ASTN1: variants seen among roughly 807,000 people sequenced by gnomAD.
ASTN1 encodes the protein astrotactin-1.
In ASTN1, 41 loss-of-function variants were observed where a neutral mutation model predicts 140.7. The ratio of observed to expected loss-of-function variants is 0.29; its 90% confidence interval spans 0.23 to 0.38. The LOEUF (loss-of-function observed/expected upper bound fraction) is 0.38, where lower values mean the gene tolerates loss of function less well. ASTN1 is among the 10% of genes least tolerant of loss of function. The pLI is 1.00. For missense variants in ASTN1, 1,479 were observed against 1,678.8 expected (o/e 0.88, Z 2.08); for synonymous variants, 640 against 652.2 (o/e 0.98, Z 0.29).
At position 177,164,407 on chromosome 1, in the gene ASTN1, G is replaced by A. The variant is rs1647587061; in HGVS notation, c.270C>T (p.Pro90=). Residue 90 remains proline, a synonymous_variant, in exon 1 of 23, where the codon CCC becomes CCT. Transcript: ENST00000361833. ...VVDDLENTEL[P]YFVLEISGNT... ...CCCGGGACTCACCCAGCACGAAGTA[G>A]GGCAGCTCCGTGTTCTCCAGGTCGT... The A allele has an allele frequency of 1.9e-6, 3 of 1,606,698 alleles. No homozygotes were observed. The highest frequency in any genetic ancestry group is 3.4e-5 in the Admixed American group (2 of 59,490).
chr1:177,061,901 G>T (rs1333662729), intron 1 of ASTN1, among the ~76,000 whole-genome samples: 1 of 152,182 alleles, frequency 6.6e-6, no homozygotes. Flanking sequence ...AGCAGAGTTG[G>T]TATACATGAA....
chr1:176,924,338 T>C (rs1184642364), intron 16 of ASTN1, among the ~76,000 whole-genome samples: 1 of 152,196 alleles, frequency 6.6e-6, no homozygotes, highest in African/African-American at 2.4e-5. Flanking sequence ...TTGTTCTGTT[T>C]CCCATCTCTG....
intron 1 of ASTN1, among the ~76,000 whole-genome samples, chr1:177,108,783 A>C (rs1215407367): frequency 1.3e-5 from 2 of 152,204 alleles, no homozygotes; most frequent in African/African-American, 4.8e-5. Context: ...GAGATAGATA[A>C]ATATTCATAT....
intron 16 of ASTN1, among the ~76,000 whole-genome samples, chr1:176,917,297 G>GTAGC (rs769936992): frequency 6.6e-6 from 1 of 152,160 alleles, no homozygotes; most frequent in African/African-American, 2.4e-5. Flanking sequence ...TCAATCACAC[G>GTAGC]TAGCTGTAGG....
chr1:177,106,783 G>A (rs1406135936), intron 1 of ASTN1, among the ~76,000 whole-genome samples: 1 of 152,180 alleles, frequency 6.6e-6, no homozygotes, highest in African/African-American at 2.4e-5. Context: ...TCAAATGATA[G>A]CAACAGTGAG....
chr1:177,001,770 A>G (rs1280810775), intron 8 of ASTN1, among the ~76,000 whole-genome samples: 3 of 152,222 alleles, frequency 2.0e-5, no homozygotes, highest in Non-Finnish European at 2.9e-5. Context: ...AGGGGGTGCT[A>G]TAATAATACC....
At chr1:177,128,724 G>A (rs1349516079) in intron 1 of ASTN1, among the ~76,000 whole-genome samples, 1 of 152,136 alleles carries the variant, frequency 6.6e-6, no homozygotes, top group Non-Finnish European at 1.5e-5. Flanking sequence ...TCTCCTATGG[G>A]GCAACTGAGG....
intron 15 of ASTN1, 53 bp from the exon 16 acceptor site, chr1:176,934,393 A>T: frequency 1.3e-6 from 2 of 1,512,588 alleles, no homozygotes; most frequent in Non-Finnish European, 1.8e-6. Flanking sequence ...TTTTGGGTAT[A>T]CGGATTCCCA....
In ASTN1 at chr1:176,949,277, G is replaced by A; in HGVS notation, c.1962C>T (p.Asp654=). Reference sequence around the variant, plus strand: ...GCTGCTCACAGCCGCCGTTGAAGCCGTCGGAACAGTCCACCCCGATGTGGC... The same window carrying A: ...GCTGCTCACAGCCGCCGTTGAAGCCATCGGAACAGTCCACCCCGATGTGGC... ...YDRHIGVDCS[D]GFNGGCEQLC... is the part of the protein sequence containing the mutation. The change falls in exon 12 of 23, where the codon GAC becomes GAT. Residue 654 remains aspartate (D), a synonymous_variant. Coordinates refer to ENST00000361833, the MANE Select transcript of ASTN1 (RefSeq NM_004319.3). 2 of 1,614,092 alleles carry A rather than the reference G, an allele frequency of 1.2e-6. No homozygotes were observed. The highest frequency in any genetic ancestry group is 2.2e-5 in the East Asian group (1 of 44,860).
At chr1:177,099,254 A>G (rs1483082620) in intron 1 of ASTN1, among the ~76,000 whole-genome samples, 1 of 152,146 alleles carries the variant, frequency 6.6e-6, no homozygotes, top group Non-Finnish European at 1.5e-5. Context: ...GCTTTTTAAT[A>G]TAATTATATT....
intron 8 of ASTN1, among the ~76,000 whole-genome samples, chr1:176,974,889 A>C (rs1017725012): frequency 6.6e-6 from 1 of 152,192 alleles, no homozygotes; most frequent in Non-Finnish European, 1.5e-5. Flanking sequence ...TCGGCCTTTT[A>C]GCCAACAAAG....
chr1:177,120,826 T>C (rs932545054), intron 1 of ASTN1, among the ~76,000 whole-genome samples: 3 of 152,206 alleles, frequency 2.0e-5, no homozygotes, highest in Admixed American at 6.5e-5. Context: ...AACTGGACGA[T>C]GTGCTGAAGC....
rs1668948244 is a variant in ASTN1 at position 176,884,493 on chromosome 1, G to A, written c.3075-3C>T. ...CGTGAACCGTGGAGAGTCTCAGCCT[G>A]TGTGCAGACAGGAAGGAACATGAAA... On this transcript the variant is annotated splice_polypyrimidine_tract_variant and splice_region_variant and intron_variant, in intron 18 of 22. Transcript: ENST00000361833. The A allele has an allele frequency of 6.2e-7, 1 of 1,603,934 alleles. No individual in the cohort carries two copies. Among genetic ancestry groups the A allele is most frequent in the African/African-American group, 1.3e-5 (1 of 74,806 alleles).
intron 1 of ASTN1, among the ~76,000 whole-genome samples, chr1:177,073,234 G>A (rs1260527832): frequency 6.6e-6 from 1 of 152,142 alleles, no homozygotes; most frequent in Non-Finnish European, 1.5e-5. Flanking sequence ...CCTTAAAGCT[G>A]AGGTCAGTCT....
At chr1:176,885,333 G>T (rs17378753) in intron 18 of ASTN1, among the ~76,000 whole-genome samples, 402 of 152,290 alleles carry the variant, frequency 2.6e-3, no homozygotes, top group Non-Finnish European at 4.3e-3. Flanking sequence ...GTACCTCGCA[G>T]AAACTTAATA....
intron 8 of ASTN1, among the ~76,000 whole-genome samples, chr1:177,008,632 G>A (rs372628705): frequency 2.0e-5 from 3 of 151,464 alleles, no homozygotes; most frequent in East Asian, 3.9e-4. Context: ...GAAGAAGAAG[G>A]AGGAGGAGGA....
chr1:176,928,648 G>C (rs1156263436), intron 16 of ASTN1, among the ~76,000 whole-genome samples: 1 of 152,204 alleles, frequency 6.6e-6, no homozygotes, highest in African/African-American at 2.4e-5. Flanking sequence ...ATGCCCCAAG[G>C]CTTGGAAGTG....
intron 1 of ASTN1, among the ~76,000 whole-genome samples, chr1:177,068,785 G>C (rs1377298827): frequency 6.6e-6 from 1 of 151,112 alleles, no homozygotes; most frequent in Non-Finnish European, 1.5e-5. Context: ...GTTTTCTCTT[G>C]GAGTTTGGAT....
intron 7 of ASTN1, among the ~76,000 whole-genome samples, chr1:177,016,157 A>G (rs1013598848): frequency 2.6e-5 from 4 of 152,156 alleles, no homozygotes; most frequent in African/African-American, 9.7e-5. Flanking sequence ...GGGCCTGAGC[A>G]AGAGCTTTTT....
Sources: allele counts gnomAD v4.1 joint callset (sites outside exome capture counted in the v4.1 genomes callset), GRCh38; gene constraint gnomAD v4.1.1; transcripts MANE v1.5; gene names NCBI Gene and HGNC (gene_info 2026-07-23, HGNC 2026-07-21).